Variants in WWTR1 observed in about 807,000 individuals in gnomAD.
WWTR1 encodes the protein WW domain-containing transcription regulator protein 1.
Under a neutral mutation model 40.1 loss-of-function variants are expected in WWTR1, and 13 were observed. The ratio of observed to expected loss-of-function variants is 0.32; its 90% confidence interval spans 0.21 to 0.52. The LOEUF is 0.52. Ranked by LOEUF, WWTR1 falls within the 20% of genes least tolerant of loss-of-function variation. The pLI is 0.97. For missense variants in WWTR1, 436 were observed against 523.1 expected (o/e 0.83, Z 1.63); for synonymous variants, 230 against 210.1 (o/e 1.09, Z -0.82).
At position 149,594,950 on chromosome 3, in the gene WWTR1, CTTTTTTTTTTTTTTTTT is replaced by C. The variant is rs563658190; in HGVS notation, c.432-21967_432-21951del. Among the ~76,000 whole-genome samples, 19 of 61,774 alleles carry C rather than the reference CTTTTTTTTTTTTTTTTT, an allele frequency of 3.1e-4. 1 individual carries two copies. The highest frequency in any genetic ancestry group is 6.6e-4 in the South Asian group (1 of 1,516). 40.5% of individuals were successfully genotyped at this position (61,774 alleles called of 152,430 possible). A position where few individuals can be genotyped will look rare whatever the true frequency, so the allele number is the denominator to read the frequency against. On this transcript the variant is annotated intron_variant, in intron 2 of 6. Transcript: ENST00000360632. Reference sequence around the variant, plus strand: ...CATATTGCCTATAACCTCTTTTTTACTTTTTTTTTTTTTTTTTTTTTTTTTTTTTTGAGACGGAGTGT... The same window carrying C: ...CATATTGCCTATAACCTCTTTTTTACTTTTTTTTTTTTTGAGACGGAGTGT...
intron 4 of WWTR1, among the ~76,000 whole-genome samples, chr3:149,536,667 C>T (rs184395269): frequency 1.1e-3 from 164 of 151,972 alleles, no homozygotes; most frequent in Non-Finnish European, 1.9e-3. Context: ...CCTCTTTTCT[C>T]GTCCCTGTTG....
At chr3:149,587,593 A>G (rs1387852878) in intron 2 of WWTR1, among the ~76,000 whole-genome samples, 4 of 152,192 alleles carry the variant, frequency 2.6e-5, no homozygotes, top group South Asian at 2.1e-4. Context: ...GTTTTTCAAA[A>G]CAGGAGAGAG....
rs1344691192 is a variant in WWTR1, at chr3:149,517,796, T to C, written c.*3009A>G. ...CAGAATTGCAATTAGGTTTTGACAATGTATTTACTTCAAGACAATGTATTT... is the reference window on the plus strand; with the variant it reads ...CAGAATTGCAATTAGGTTTTGACAACGTATTTACTTCAAGACAATGTATTT... On this transcript the variant is annotated 3_prime_UTR_variant, in exon 7 of 7. Transcript: ENST00000360632. The C allele has an allele frequency of 2.0e-5, 3 of 152,214 alleles. No individual in the cohort carries two copies. Among genetic ancestry groups the C allele is most frequent in the Non-Finnish European group, 2.9e-5 (2 of 68,022 alleles). 9.4% of individuals were successfully genotyped at this position (152,214 alleles called of 1,614,324 possible).
chr3:149,674,235 GTC>G (rs558112555), intron 1 of WWTR1, among the ~76,000 whole-genome samples: 51 of 147,646 alleles, frequency 3.5e-4, no homozygotes, highest in Non-Finnish European at 3.3e-4. Context: ...CTCTGTCTCT[GTC>G]TCTCTCTCTC....
chr3:149,535,212 G>A (rs1332438675), intron 4 of WWTR1, among the ~76,000 whole-genome samples: 2 of 149,888 alleles, frequency 1.3e-5, no homozygotes, highest in Non-Finnish European at 2.9e-5. Context: ...ATTATAAAGG[G>A]TGGGGTGAGT....
At chr3:149,656,343 T>C (rs1713202348) in intron 2 of WWTR1, among the ~76,000 whole-genome samples, 1 of 152,216 alleles carries the variant, frequency 6.6e-6, no homozygotes, top group African/African-American at 2.4e-5. Flanking sequence ...CTGTGCTGTG[T>C]GGTCATTATG....
intron 2 of WWTR1, among the ~76,000 whole-genome samples, chr3:149,587,926 T>C (rs2108024240): frequency 6.6e-6 from 1 of 152,328 alleles, no homozygotes; most frequent in South Asian, 2.1e-4. Context: ...CTTAACTTGG[T>C]ACCATCTTTC....
At chr3:149,645,119 G>T (rs1971540) in intron 2 of WWTR1, among the ~76,000 whole-genome samples, 57 of 127,038 alleles carry the variant, frequency 4.5e-4, no homozygotes, top group African/African-American at 1.6e-3. Context: ...TCGATCTGTC[G>T]CCCAGGCTGG....
chr3:149,636,677 AAG>A (rs1248087917), intron 2 of WWTR1, among the ~76,000 whole-genome samples: 1 of 152,228 alleles, frequency 6.6e-6, no homozygotes, highest in Non-Finnish European at 1.5e-5. Context: ...TTGCATAGGA[AAG>A]AGTCACCAGA....
chr3:149,687,705 C>T (rs550977035), intron 1 of WWTR1, among the ~76,000 whole-genome samples: 4 of 152,146 alleles, frequency 2.6e-5, no homozygotes, highest in African/African-American at 7.2e-5. Flanking sequence ...AGACAGCTTC[C>T]GCTAGAAGAA....
At chr3:149,552,538 T>C (rs1736655966) in intron 3 of WWTR1, among the ~76,000 whole-genome samples, 1 of 152,188 alleles carries the variant, frequency 6.6e-6, no homozygotes, top group Admixed American at 6.5e-5. Context: ...CCTCTAGAGT[T>C]TCATAGGGGA....
At chr3:149,549,322 C>T (rs1000230936) in intron 3 of WWTR1, among the ~76,000 whole-genome samples, 1 of 152,148 alleles carries the variant, frequency 6.6e-6, no homozygotes, top group Non-Finnish European at 1.5e-5. Context: ...ATGGTGTGCA[C>T]CCTTGATGTG....
At chr3:149,617,852 T>G (rs1740061835) in intron 2 of WWTR1, among the ~76,000 whole-genome samples, 1 of 151,908 alleles carries the variant, frequency 6.6e-6, no homozygotes. Context: ...ATATTCAGAG[T>G]CCAATATTAT....
chr3:149,675,425 GA>G (rs1302411670), intron 1 of WWTR1, among the ~76,000 whole-genome samples: 1 of 152,188 alleles, frequency 6.6e-6, no homozygotes, highest in African/African-American at 2.4e-5. Flanking sequence ...TTGTAACCAA[GA>G]GGGCAGCTGG....
intron 2 of WWTR1, among the ~76,000 whole-genome samples, chr3:149,642,415 T>TCACACA (rs146950880): frequency 1.5e-3 from 220 of 146,190 alleles, no homozygotes; most frequent in African/African-American, 5.3e-3. Flanking sequence ...CAAAACTCTG[T>TCACACA]CACACACACA....
intron 2 of WWTR1, among the ~76,000 whole-genome samples, chr3:149,663,376 T>C (rs1713670500): frequency 6.6e-6 from 1 of 151,940 alleles, no homozygotes; most frequent in Non-Finnish European, 1.5e-5. Context: ...GGACTGTAAA[T>C]AGCTGCAGGG....
chr3:149,620,650 G>C (rs1024451818), intron 2 of WWTR1, among the ~76,000 whole-genome samples: 1 of 151,674 alleles, frequency 6.6e-6, no homozygotes, highest in Non-Finnish European at 1.5e-5. Context: ...CATGACAGAG[G>C]ATGTTTTTAT....
At chr3:149,708,652 T>C (rs939867642) in intron 5 of WWTR1, among the ~76,000 whole-genome samples, 1 of 152,252 alleles carries the variant, frequency 6.6e-6, no homozygotes, top group African/African-American at 2.4e-5. Flanking sequence ...CAGAACTTTT[T>C]TCCTTTTTAA....
chr3:149,684,163 A>AT (rs1286856770), intron 1 of WWTR1, among the ~76,000 whole-genome samples: 1 of 151,828 alleles, frequency 6.6e-6, no homozygotes, highest in Non-Finnish European at 1.5e-5. Context: ...ATTTTTTAAC[A>AT]TTTTTTATTT....
Sources: gnomAD v4.1 joint callset for allele counts (sites outside exome capture counted in the v4.1 genomes callset) on GRCh38, gnomAD v4.1.1 for gene constraint, MANE v1.5 for transcripts, NCBI Gene and HGNC (gene_info 2026-07-23, HGNC 2026-07-21) for gene names.